Variants in AFF1 observed in about 807,000 individuals in gnomAD.
AFF1 encodes the protein AF4/FMR2 family member 1.
Under a neutral mutation model 121.7 loss-of-function variants are expected in AFF1, and 48 were observed. The ratio of observed to expected loss-of-function variants is 0.39; its 90% confidence interval spans 0.31 to 0.50. AFF1 has a LOEUF of 0.50. Ranked by LOEUF, AFF1 falls within the 20% of genes least tolerant of loss-of-function variation. The pLI is 0.76. For synonymous variants in AFF1, 613 were observed against 563.0 expected (o/e 1.09, Z -1.26); for missense variants, 1,523 against 1,511.7 (o/e 1.01, Z -0.12).
chr4:87,130,233 AAAGTGCT>A (rs1728697553), intron 16 of AFF1, among the ~76,000 whole-genome samples: 1 of 152,160 alleles, frequency 6.6e-6, no homozygotes, highest in South Asian at 2.1e-4. Context: ...TCAGCCTCCC[AAAGTGCT>A]GGGATTACAG....
rs1726463899 is a variant in AFF1 at position 87,111,018 on chromosome 4, T to TTA, written c.1533+2704_1533+2705insAT. 2.3e-5 allele frequency among the ~76,000 whole-genome samples: 2 copies of TTA among 86,424 alleles called. 1 individual carries two copies. The highest frequency in any genetic ancestry group is 8.3e-5 in the African/African-American group (2 of 24,228). 56.7% of individuals were successfully genotyped at this position (86,424 alleles called of 152,430 possible). On this transcript the variant is annotated intron_variant, in intron 11 of 20. Coordinates refer to ENST00000395146, the MANE Select transcript of AFF1 (RefSeq NM_001166693.3). Reference sequence around the variant, plus strand: ...ACTTTATTTTTTTTTTTTTATTTTTTTTTTTTTGAGACGGAGTCTCGCTCT... The same window carrying TTA: ...ACTTTATTTTTTTTTTTTTATTTTTTTATTTTTTTGAGACGGAGTCTCGCTCT...
chr4:87,014,942 C>T (rs955118096), intron 2 of AFF1, among the ~76,000 whole-genome samples: 1 of 152,164 alleles, frequency 6.6e-6, no homozygotes, highest in Non-Finnish European at 1.5e-5. Flanking sequence ...TCTCAATTGA[C>T]AAACTGTCTA....
chr4:87,034,938 A>G (rs1378484089), intron 2 of AFF1, among the ~76,000 whole-genome samples: 1 of 152,238 alleles, frequency 6.6e-6, no homozygotes, highest in Non-Finnish European at 1.5e-5. Context: ...CGCATTTATT[A>G]AGCGCTGTGC....
chr4:86,998,460 G>A (rs138227122), intron 2 of AFF1, among the ~76,000 whole-genome samples: 4 of 152,202 alleles, frequency 2.6e-5, no homozygotes, highest in East Asian at 3.9e-4. Flanking sequence ...ATTTTATAAC[G>A]TTTAGACAAT....
chr4:87,028,302 T>TA (rs889681888), intron 2 of AFF1, among the ~76,000 whole-genome samples: 1 of 152,104 alleles, frequency 6.6e-6, no homozygotes, highest in Non-Finnish European at 1.5e-5. Flanking sequence ...TATTTTTTTT[T>TA]ACGTTTTTTT....
Position 87,136,685 on chromosome 4 carries a change from G to T in AFF1, c.*984G>T. On this transcript the variant is annotated 3_prime_UTR_variant, in exon 21 of 21. Coordinates refer to ENST00000395146, the MANE Select transcript of AFF1 (RefSeq NM_001166693.3). ...CTGGAATTTGAGGTGCTGATCTGTG[G>T]TCTACAGTTATGTGGTAACTCATGT... 4.3e-6 allele frequency: 1 copy of T among 230,084 alleles called. No homozygotes were observed. The highest frequency in any genetic ancestry group is 8.6e-6 in the Non-Finnish European group (1 of 116,096). 14.3% of individuals were successfully genotyped at this position (230,084 alleles called of 1,614,324 possible). A position where few individuals can be genotyped will look rare whatever the true frequency, so the allele number is the denominator to read the frequency against.
At chr4:87,080,004 C>T (rs575866561) in intron 4 of AFF1, among the ~76,000 whole-genome samples, 30 of 152,088 alleles carry the variant, frequency 2.0e-4, no homozygotes, top group Admixed American at 7.2e-4. Flanking sequence ...TTTAATGCAA[C>T]GTGAAGTACA....
chr4:87,032,087 A>G (rs1394251314), intron 2 of AFF1, among the ~76,000 whole-genome samples: 4 of 152,350 alleles, frequency 2.6e-5, no homozygotes, highest in Middle Eastern at 3.4e-3. Flanking sequence ...AAGGCTCACA[A>G]CACGGCTTAG....
At chr4:86,997,259 C>T (rs1725289021) in intron 2 of AFF1, among the ~76,000 whole-genome samples, 1 of 152,120 alleles carries the variant, frequency 6.6e-6, no homozygotes, top group South Asian at 2.1e-4. Context: ...AGCATGTTTG[C>T]ATGCTCAGCT....
intron 4 of AFF1, among the ~76,000 whole-genome samples, chr4:87,055,508 G>C (rs2149636870): frequency 6.6e-6 from 1 of 152,222 alleles, no homozygotes. Flanking sequence ...ATGGTTATTG[G>C]ATCCCCCTGA....
At chr4:87,009,243 G>A (rs769113470) in intron 2 of AFF1, among the ~76,000 whole-genome samples, 3 of 152,232 alleles carry the variant, frequency 2.0e-5, no homozygotes, top group Non-Finnish European at 4.4e-5. Context: ...AGGAAACTGA[G>A]GTCCAGCCTG....
intron 2 of AFF1, among the ~76,000 whole-genome samples, chr4:86,952,602 C>T (rs1721429289): frequency 6.6e-6 from 1 of 151,654 alleles, no homozygotes; most frequent in African/African-American, 2.4e-5. Flanking sequence ...CCTGCATGTT[C>T]TGCACGTGTG....
At chr4:87,025,473 G>T (rs1728431959) in intron 2 of AFF1, among the ~76,000 whole-genome samples, 1 of 152,212 alleles carries the variant, frequency 6.6e-6, no homozygotes, top group Non-Finnish European at 1.5e-5. Context: ...TCCCATGTCA[G>T]TTCCTTCCGT....
intron 2 of AFF1, among the ~76,000 whole-genome samples, chr4:87,031,811 GAA>G (rs1388982822): frequency 2.6e-5 from 4 of 152,150 alleles, no homozygotes; most frequent in Non-Finnish European, 4.4e-5. Flanking sequence ...AGTAGAAATG[GAA>G]ACTTTACAGC....
intron 4 of AFF1, among the ~76,000 whole-genome samples, chr4:87,055,152 A>AT (rs1356555547): frequency 3.9e-5 from 6 of 152,084 alleles, no homozygotes; most frequent in Admixed American, 3.9e-4. Context: ...ATTTATTTTT[A>AT]TTTTTTGTAG....
In AFF1 at chr4:87,132,251, A is replaced by C; in HGVS notation, c.3174-20A>C. The C allele has an allele frequency of 6.2e-7, 1 of 1,604,864 alleles. No individual in the cohort carries two copies. The highest frequency in any genetic ancestry group is 8.5e-7 in the Non-Finnish European group (1 of 1,175,186). On this transcript the variant is annotated intron_variant, in intron 18 of 20. Coordinates refer to ENST00000395146, the MANE Select transcript of AFF1 (RefSeq NM_001166693.3). Reference sequence around the variant, plus strand: ...TAGTATGATAGTCACGTGCAGTTTCACTTCTGTCTTTGTTCATAGCATGCG... The same window carrying C: ...TAGTATGATAGTCACGTGCAGTTTCCCTTCTGTCTTTGTTCATAGCATGCG...
intron 2 of AFF1, among the ~76,000 whole-genome samples, chr4:87,015,779 C>G (rs1486108802): frequency 2.0e-5 from 3 of 152,214 alleles, no homozygotes; most frequent in Non-Finnish European, 4.4e-5. Flanking sequence ...AAATTCTTGA[C>G]AGTTTATGAT....
intron 2 of AFF1, among the ~76,000 whole-genome samples, chr4:86,959,977 T>C (rs143244607): frequency 9.2e-5 from 14 of 152,288 alleles, no homozygotes; most frequent in Non-Finnish European, 2.1e-4. Flanking sequence ...AAAGGACTGC[T>C]GTTGGAGTAG....
At chr4:86,946,935 T>A (rs1438028788) in intron 1 of AFF1, among the ~76,000 whole-genome samples, 1 of 152,188 alleles carries the variant, frequency 6.6e-6, no homozygotes, top group Non-Finnish European at 1.5e-5. Context: ...TCAGGGACTC[T>A]TCAGATGCCT....
Sources: allele counts gnomAD v4.1 joint callset (sites outside exome capture counted in the v4.1 genomes callset), GRCh38; gene constraint gnomAD v4.1.1; transcripts MANE v1.5; gene names NCBI Gene and HGNC (gene_info 2026-07-23, HGNC 2026-07-21).